The following C17orf113 variants were observed in gnomAD, a reference collection of about 807,000 sequenced individuals.
C17orf113 encodes chromosome 17 open reading frame 113, also known as uncharacterized protein C17orf113.
A neutral mutation model predicts 11.6 loss-of-function variants in C17orf113; 5 were observed. The observed-to-expected ratio is 0.43, with a 90% confidence interval of 0.23 to 0.91. The LOEUF (loss-of-function observed/expected upper bound fraction) is 0.91. Among genes scored for constraint, C17orf113 ranks in the 40% least tolerant of loss-of-function variants. The pLI is 0.26. For synonymous variants in C17orf113, 327 were observed against 390.6 expected (o/e 0.84, Z 1.92); for missense variants, 714 against 841.3 (o/e 0.85, Z 1.87).
At chr17:42,048,037 T>A (rs1361790329) in intron 1 of C17orf113, among the ~76,000 whole-genome samples, 1 of 152,108 alleles carries the variant, frequency 6.6e-6, no homozygotes, top group East Asian at 1.9e-4. Context: ...GATCCCATGT[T>A]CCTTGGTTTT....
At position 42,041,026 on chromosome 17, in the gene C17orf113, A is replaced by G; in HGVS notation, c.707T>C (p.Phe236Ser). 1 of 1,232,334 alleles carries G rather than the reference A, an allele frequency of 8.1e-7. No individual in the cohort carries two copies. Among genetic ancestry groups the G allele is most frequent in the Non-Finnish European group, 1.0e-6 (1 of 988,088 alleles). The allele number at this position is 1,232,334 out of a possible 1,614,324, so 76.3% of individuals were successfully genotyped here. A position where few individuals can be genotyped will look rare whatever the true frequency, so the allele number is the denominator to read the frequency against. The stretch of plus-strand genomic sequence containing the variant: ...CTCCTGTAGCTCCACACTGCCCAGG[A>G]AGGTGGTGGCGGGCTGGCCATCACA... Reference protein sequence around the residue: ...SPCDGQPATTFLGSVELQEGE... With the variant: ...SPCDGQPATTSLGSVELQEGE... Residue 236 changes from phenylalanine (F) to serine (S), a missense_variant, in exon 3 of 3, where the codon TTC becomes TCC. By Grantham distance (155) the Phe-to-Ser change is radical. Transcript: ENST00000587304.
chr17:42,044,394 G>A (rs2053104849), intron 1 of C17orf113, among the ~76,000 whole-genome samples: 1 of 150,502 alleles, frequency 6.6e-6, no homozygotes, highest in South Asian at 2.1e-4. Flanking sequence ...AGGCAGGCAG[G>A]TCACCTGAGG....
rs1398951940 is a variant in C17orf113 at position 42,040,067 on chromosome 17, G to C, written c.1666C>G (p.Arg556Gly). The change falls in exon 3 of 3, where the codon CGG becomes GGG. Residue 556 changes from arginine (R) to glycine (G), a missense_variant. Coordinates refer to ENST00000587304, the MANE Select transcript of C17orf113 (RefSeq NM_001358661.2). Reference protein sequence around the residue: ...RGFAPAVVRQRALGDFALFKR... With the variant: ...RGFAPAVVRQGALGDFALFKR... ...AACAGCGCGAAGTCGCCCAGCGCCCGCTGGCGCACCACGGCAGGAGCAAAG... is the reference window on the plus strand; with the variant it reads ...AACAGCGCGAAGTCGCCCAGCGCCCCCTGGCGCACCACGGCAGGAGCAAAG... 5 of 1,231,198 alleles carry C rather than the reference G, an allele frequency of 4.1e-6. No homozygotes were observed. The highest frequency in any genetic ancestry group is 5.1e-6 in the Non-Finnish European group (5 of 987,560). 76.3% of individuals were successfully genotyped at this position (1,231,198 alleles called of 1,614,324 possible). A position where few individuals can be genotyped will look rare whatever the true frequency, so the allele number is the denominator to read the frequency against.
chr17:42,049,532 C>T (rs574574099), intron 1 of C17orf113, among the ~76,000 whole-genome samples: 2 of 152,340 alleles, frequency 1.3e-5, no homozygotes, highest in South Asian at 4.1e-4. Context: ...GGAGCCAGCC[C>T]TTGGGCACCT....
Position 42,043,488 on chromosome 17 carries a change from TGGGG to T in C17orf113, c.-116_-113del. ...AAGGAGAGTTGATGGGGAGGCAGGC[TGGGG>T]GCAGCCCGCCAGGCTAACAGGGCCC... On this transcript the variant is annotated 5_prime_UTR_variant, in exon 2 of 3. An upstream open reading frame in the 5' UTR gains an earlier in-frame stop. Coordinates refer to ENST00000587304, the MANE Select transcript of C17orf113 (RefSeq NM_001358661.2). 3 of 976,858 alleles carry T rather than the reference TGGGG, an allele frequency of 3.1e-6. No homozygotes were observed. Among genetic ancestry groups the T allele is most frequent in the Non-Finnish European group, 4.0e-6 (3 of 756,088 alleles). 60.5% of individuals were successfully genotyped at this position (976,858 alleles called of 1,614,324 possible).
Position 42,040,418 on chromosome 17 carries a change from G to A in C17orf113, c.1315C>T (p.Leu439Phe), listed in dbSNP as rs2052989407. The stretch of plus-strand genomic sequence containing the variant: ...CCACCTGAGCCGCGCTGAGCTTGGA[G>A]GGAGGCCGCAGCCGCCATCACCAGA... ...QPLVMAAAAS[L>F]QAQRGSGGAR... is the part of the protein sequence containing the mutation. The change falls in exon 3 of 3, where the codon CTC (leucine) becomes TTC (phenylalanine). Residue 439 changes from leucine to phenylalanine, a missense_variant. Leu to Phe is a conservative substitution (Grantham distance 22). Around this residue, in one of 3 missense-constraint regions of C17orf113, gnomAD observed 516 missense variants for 626.6 expected, o/e 0.82. Coordinates refer to ENST00000587304, the MANE Select transcript of C17orf113 (RefSeq NM_001358661.2). 2 of 1,231,968 alleles carry A rather than the reference G, an allele frequency of 1.6e-6. No individual in the cohort carries two copies. The highest frequency in any genetic ancestry group is 4.2e-5 in the Admixed American group (1 of 23,704). 76.3% of individuals were successfully genotyped at this position (1,231,968 alleles called of 1,614,324 possible).
At position 42,039,531 on chromosome 17, in the gene C17orf113, A is replaced by G. The variant is rs2052952091; in HGVS notation, c.*174T>C. 5.2e-6 allele frequency: 2 copies of G among 380,998 alleles called. No homozygotes were observed. Among genetic ancestry groups the G allele is most frequent in the Admixed American group, 1.9e-4 (2 of 10,266 alleles). The allele number at this position is 380,998 out of a possible 1,614,324, so 23.6% of individuals were successfully genotyped here. A position where few individuals can be genotyped will look rare whatever the true frequency, so the allele number is the denominator to read the frequency against. On this transcript the variant is annotated 3_prime_UTR_variant, in exon 3 of 3. Transcript: ENST00000587304. ...CTCTTGAGCCAGTCCCTTCCTCCAC[A>G]GCCCACAGGGTGGGGGGGGTTGGTG...
Position 42,039,507 on chromosome 17 carries a change from T to G in C17orf113, c.*198A>C. ...ATCTCTGCCCACCCGCCCAGGCCCC[T>G]CTTGAGCCAGTCCCTTCCTCCACAG... On this transcript the variant is annotated 3_prime_UTR_variant, in exon 3 of 3. Coordinates refer to ENST00000587304, the MANE Select transcript of C17orf113 (RefSeq NM_001358661.2). 2 of 284,164 alleles carry G rather than the reference T, an allele frequency of 7.0e-6. No individual in the cohort carries two copies. Among genetic ancestry groups the G allele is most frequent in the Non-Finnish European group, 1.3e-5 (2 of 158,572 alleles). The allele number at this position is 284,164 out of a possible 1,614,324, so 17.6% of individuals were successfully genotyped here. A position where few individuals can be genotyped will look rare whatever the true frequency, so the allele number is the denominator to read the frequency against.
chr17:42,045,688 G>T (rs1473960270), intron 1 of C17orf113, among the ~76,000 whole-genome samples: 1 of 152,096 alleles, frequency 6.6e-6, no homozygotes, highest in Non-Finnish European at 1.5e-5. Context: ...AGGCCCTCAC[G>T]GTATCACCTC....
rs1451334776 is a variant in C17orf113 at position 42,039,428 on chromosome 17, C to G, written c.*277G>C. ...CCAGAAGGGAAAAGGGTGAGCTACT[C>G]CTCATCTAACTGTGTAAAGGCCAGG... On this transcript the variant is annotated 3_prime_UTR_variant, in exon 3 of 3. Transcript: ENST00000587304. The G allele has an allele frequency of 2.9e-6, 1 of 340,898 alleles. No individual in the cohort carries two copies. Among genetic ancestry groups the G allele is most frequent in the East Asian group, 4.4e-5 (1 of 22,522 alleles). The allele number at this position is 340,898 out of a possible 1,614,324, so 21.1% of individuals were successfully genotyped here. A position where few individuals can be genotyped will look rare whatever the true frequency, so the allele number is the denominator to read the frequency against.
Position 42,040,624 on chromosome 17 carries a change from C to T in C17orf113, c.1109G>A (p.Gly370Asp). ...VVEAVAEAWP[G>D]LVPTLEAAAL... ...TGCAGCCTCCAGGGTGGGCACCAGG[C>T]CAGGCCAGGCCTCGGCCACTGCTTC... Residue 370 changes from glycine (G) to aspartate (D), a missense_variant, in exon 3 of 3, where the codon GGC (glycine) becomes GAC (aspartate). By Grantham distance (94) the Gly-to-Asp change is moderately conservative. Coordinates refer to ENST00000587304, the MANE Select transcript of C17orf113 (RefSeq NM_001358661.2). The T allele has an allele frequency of 8.1e-7, 1 of 1,232,346 alleles. No homozygotes were observed. Among genetic ancestry groups the T allele is most frequent in the African/African-American group, 1.5e-5 (1 of 64,552 alleles). The allele number at this position is 1,232,346 out of a possible 1,614,324, so 76.3% of individuals were successfully genotyped here. A position where few individuals can be genotyped will look rare whatever the true frequency, so the allele number is the denominator to read the frequency against.
In C17orf113 at chr17:42,043,572, G is replaced by GAA; in HGVS notation, c.-187-11_-187-10dup. 2 of 414,806 alleles carry GAA rather than the reference G, an allele frequency of 4.8e-6. No homozygotes were observed. The highest frequency in any genetic ancestry group is 8.9e-5 in the Admixed American group (2 of 22,458). The allele number at this position is 414,806 out of a possible 1,614,324, so 25.7% of individuals were successfully genotyped here. ...GCTCTGCCGGTGGGAGACTGGAGAT[G>GAA]AAAGAGACAGGCAGAGGTGTTAGGG... On this transcript the variant is annotated splice_polypyrimidine_tract_variant and intron_variant, in intron 1 of 2. Coordinates refer to ENST00000587304, the MANE Select transcript of C17orf113 (RefSeq NM_001358661.2).
Position 42,040,040 on chromosome 17 carries a change from T to C in C17orf113, c.1693A>G (p.Lys565Glu). The stretch of plus-strand genomic sequence containing the variant: ...CGCCCAAGGCCGAATACTACGCGCT[T>C]AAACAGCGCGAAGTCGCCCAGCGCC... ...QRALGDFALF[K>E]RVVFGLGRLG... The change falls in exon 3 of 3, where the codon AAG (lysine) becomes GAG (glutamate). Residue 565 changes from lysine to glutamate, a missense_variant. Coordinates refer to ENST00000587304, the MANE Select transcript of C17orf113 (RefSeq NM_001358661.2). 8.1e-7 allele frequency: 1 copy of C among 1,231,008 alleles called. No individual in the cohort carries two copies. The highest frequency in any genetic ancestry group is 1.0e-6 in the Non-Finnish European group (1 of 987,478). 76.3% of individuals were successfully genotyped at this position (1,231,008 alleles called of 1,614,324 possible).
At chr17:42,048,742 C>T (rs184147177) in intron 1 of C17orf113, among the ~76,000 whole-genome samples, 51 of 152,252 alleles carry the variant, frequency 3.3e-4, no homozygotes, top group African/African-American at 1.1e-3. Context: ...TGTCCCTTCT[C>T]TCCACACCAC....
chr17:42,043,261 T>C lies in C17orf113; in HGVS notation c.116A>G (p.Glu39Gly), dbSNP rs2053070696. Residue 39 changes from glutamate (E) to glycine (G), a missense_variant, in exon 2 of 3, where the codon GAG becomes GGG. Coordinates refer to ENST00000587304, the MANE Select transcript of C17orf113 (RefSeq NM_001358661.2). The part of the protein sequence containing the change: ...EEFTWLDFDY[E>G]RKLMFCLECR... ...CTCGAGGCAGAACATCAGCTTCCGC[T>C]CATAGTCAAAGTCCAGCCAGGTAAA... 3 of 1,232,158 alleles carry C rather than the reference T, an allele frequency of 2.4e-6. No individual in the cohort carries two copies. The Admixed American group carries it at 1.3e-4, about 52-fold the overall frequency. The allele number at this position is 1,232,158 out of a possible 1,614,324, so 76.3% of individuals were successfully genotyped here.
At position 42,050,159 on chromosome 17, in the gene C17orf113, G is replaced by A. The variant is rs1172420927; in HGVS notation, c.-188+398C>T. On this transcript the variant is annotated intron_variant, in intron 1 of 2. Coordinates refer to ENST00000587304, the MANE Select transcript of C17orf113 (RefSeq NM_001358661.2). This position sits in a 1 kb window ranked among gnomAD's most constrained non-coding sequence, Gnocchi z 5.6. ...ATTTCTCTCCACACCCTGACCAGCC[G>A]GATGGGAGCAGGAACAACTTGACAA... Among the ~76,000 whole-genome samples the A allele has an allele frequency of 1.4e-5, 2 of 145,114 alleles. No homozygotes were observed. The highest frequency in any genetic ancestry group is 3.1e-5 in the Non-Finnish European group (2 of 64,796).
At chr17:42,045,506 C>A (rs2053140311) in intron 1 of C17orf113, among the ~76,000 whole-genome samples, 1 of 152,240 alleles carries the variant, frequency 6.6e-6, no homozygotes, top group Non-Finnish European at 1.5e-5. Flanking sequence ...GAGATATTAT[C>A]CTTTTGGAGA....
chr17:42,041,108 T>G lies in C17orf113; in HGVS notation c.625A>C (p.Thr209Pro). 8.1e-7 allele frequency: 1 copy of G among 1,232,258 alleles called. No individual in the cohort carries two copies. Among genetic ancestry groups the G allele is most frequent in the Non-Finnish European group, 1.0e-6 (1 of 988,054 alleles). 76.3% of individuals were successfully genotyped at this position (1,232,258 alleles called of 1,614,324 possible). Residue 209 changes from threonine (T) to proline (P), a missense_variant, in exon 3 of 3, where the codon ACC becomes CCC. This residue lies in a region of C17orf113 where 516 missense variants were observed against 626.6 expected (regional missense o/e 0.82). Coordinates refer to ENST00000587304, the MANE Select transcript of C17orf113 (RefSeq NM_001358661.2). ...CTGTGTGACTCCGGCCAGTCTCTGGTCTCGTCCAACACCAGCCCCACATAT... is the reference window on the plus strand; with the variant it reads ...CTGTGTGACTCCGGCCAGTCTCTGGGCTCGTCCAACACCAGCCCCACATAT... ...SPYVGLVLDE[T>P]RDWPESHSLA... is the part of the protein sequence containing the mutation.
chr17:42,044,884 T>C (rs1336072145), intron 1 of C17orf113, among the ~76,000 whole-genome samples: 3 of 150,488 alleles, frequency 2.0e-5, no homozygotes, highest in Non-Finnish European at 2.9e-5. Flanking sequence ...TGAAAAGCCA[T>C]GTCCAGCCAT....
Sources: gnomAD v4.1 joint callset for allele counts (sites outside exome capture counted in the v4.1 genomes callset) on GRCh38, gnomAD v4.1.1 for gene constraint, gnomAD v4.1.1 regional missense constraint, Gnocchi (gnomAD v3.1) non-coding constraint, MANE v1.5 for transcripts, NCBI Gene and HGNC (gene_info 2026-07-23, HGNC 2026-07-21) for gene names.